Variants in MYH14 observed in about 807,000 individuals in gnomAD.
MYH14 encodes myosin-14.
A neutral mutation model predicts 255.5 loss-of-function variants in MYH14; 123 were observed. The ratio of observed to expected loss-of-function variants is 0.48; its 90% CI spans 0.42 to 0.56. The LOEUF is 0.56. Ranked by LOEUF, MYH14 falls within the 20% of genes least tolerant of loss-of-function variation. The pLI is 0.00. For missense variants in MYH14, 2,423 were observed against 2,802.3 expected (o/e 0.86, Z 3.06); for synonymous variants, 1,095 against 1,161.2 (o/e 0.94, Z 1.16).
chr19:50,301,474 G>A (rs1238935050), intron 39 of MYH14, among the ~76,000 whole-genome samples, 187 bp from the exon 40 acceptor site: 2 of 152,158 alleles, frequency 1.3e-5, no homozygotes, highest in African/African-American at 4.8e-5. Context: ...CAGTGCTGTG[G>A]GTGACAAGTC....
At chr19:50,262,286 G>A (rs1463866667) in intron 21 of MYH14, among the ~76,000 whole-genome samples, 3 of 152,128 alleles carry the variant, frequency 2.0e-5, no homozygotes, top group South Asian at 2.1e-4. Flanking sequence ...GGCCGGGCAC[G>A]GTGGCTCACA....
At chr19:50,271,321 G>C in intron 24 of MYH14, 88 bp from the exon 25 acceptor site, 3 of 1,416,084 alleles carry the variant, frequency 2.1e-6, no homozygotes, top group Non-Finnish European at 2.9e-6. Context: ...GCGGGGATCC[G>C]TGGGCCAGCC....
intron 10 of MYH14, among the ~76,000 whole-genome samples, chr19:50,233,018 G>C (rs968507560): frequency 2.6e-5 from 4 of 152,124 alleles, no homozygotes; most frequent in Admixed American, 2.6e-4. Context: ...GGAGTGGGTG[G>C]TGCTGAGACC....
In MYH14 at chr19:50,217,700, G is replaced by C. The variant is rs774773452; in HGVS notation, c.491G>C (p.Gly164Ala). The C allele has an allele frequency of 6.2e-6, 10 of 1,613,998 alleles. No individual in the cohort carries two copies. The Admixed American group carries it at 6.7e-5, about 11-fold the overall frequency. The change falls in exon 3 of 43, where the codon GGC becomes GCC. Residue 164 changes from glycine (G) to alanine (A), a missense_variant. Around this residue, in one of 3 missense-constraint regions of MYH14, gnomAD observed 238 missense variants for 245.8 expected, o/e 0.97. Coordinates refer to ENST00000642316, the MANE Select transcript of MYH14 (RefSeq NM_001145809.2). ...GAAGCCATTGTGGAGATGTACCGGG[G>C]CAAGAAGCGCCACGAGGTGCCACCC... ...YTEAIVEMYRGKKRHEVPPHV... is the reference protein window; with the variant it reads ...YTEAIVEMYRAKKRHEVPPHV...
intron 41 of MYH14, among the ~76,000 whole-genome samples, chr19:50,307,921 C>T (rs575468497): frequency 2.0e-5 from 3 of 152,310 alleles, no homozygotes; most frequent in East Asian, 3.9e-4. Flanking sequence ...GTGCCAGACA[C>T]TGTGGTAGGC....
At chr19:50,224,049 C>CCCCCCCCCCCTG in intron 5 of MYH14, 105 bp from the exon 6 acceptor site, 2 of 806,628 alleles carry the variant, frequency 2.5e-6, no homozygotes, top group Admixed American at 1.9e-5. Flanking sequence ...TCCCCCTTCC[C>CCCCCCCCCCCTG]CCACCCCCCA....
chr19:50,296,907 A>G (rs556622166), intron 39 of MYH14, among the ~76,000 whole-genome samples: 76 of 152,328 alleles, frequency 5.0e-4, no homozygotes, highest in Admixed American at 1.1e-3. Context: ...TTGCTGTGTT[A>G]GTTCCCTAGG....
intron 19 of MYH14, among the ~76,000 whole-genome samples, chr19:50,260,070 C>A (rs191271383): frequency 6.6e-6 from 1 of 152,228 alleles, no homozygotes; most frequent in African/African-American, 2.4e-5. Flanking sequence ...TACACTTTTA[C>A]AAGTGAAAAA....
intron 41 of MYH14, 34 bp downstream of exon 41, chr19:50,307,191 AGT>A: frequency 7.4e-7 from 1 of 1,345,046 alleles, no homozygotes; most frequent in Non-Finnish European, 1.0e-6. Flanking sequence ...AGCAGTGGAG[AGT>A]GTGACCACTG....
chr19:50,299,670 C>A lies in MYH14; in HGVS notation c.5470-1991C>A, dbSNP rs1000876105. 2.0e-5 allele frequency among the ~76,000 whole-genome samples: 3 copies of A among 150,688 alleles called. No individual in the cohort carries two copies. The Admixed American group carries it at 2.0e-4, about 10-fold the overall frequency. ...CTTAAAAGACATATATCTGGCCGGG[C>A]GTGATGGCTCACGCCTATAATCCTA... On this transcript the variant is annotated intron_variant, in intron 39 of 42. Coordinates refer to ENST00000642316, the MANE Select transcript of MYH14 (RefSeq NM_001145809.2).
chr19:50,292,772 G>A (rs1953812691), intron 37 of MYH14, among the ~76,000 whole-genome samples: 1 of 152,050 alleles, frequency 6.6e-6, no homozygotes, highest in South Asian at 2.1e-4. Flanking sequence ...CAAAGGCTGT[G>A]GGAGTGGGAG....
intron 33 of MYH14, among the ~76,000 whole-genome samples, chr19:50,283,607 T>TA (rs2035794808): frequency 6.6e-6 from 1 of 152,324 alleles, no homozygotes; most frequent in Non-Finnish European, 1.5e-5. Flanking sequence ...GATAAAACCT[T>TA]AGTCTTTCTC....
chr19:50,246,578 C>T (rs977646873), intron 11 of MYH14, among the ~76,000 whole-genome samples: 1 of 152,238 alleles, frequency 6.6e-6, no homozygotes, highest in East Asian at 1.9e-4. Context: ...GCTGAGATTG[C>T]ATCACTGCAC....
At chr19:50,277,077 C>T (rs2035538599) in intron 29 of MYH14, among the ~76,000 whole-genome samples, 176 bp downstream of exon 29, 1 of 152,188 alleles carries the variant, frequency 6.6e-6, no homozygotes, top group Non-Finnish European at 1.5e-5. Context: ...GGACTATGTT[C>T]CAGGAGCATT....
Position 50,310,128 on chromosome 19 carries a change from G to A in MYH14, c.*338G>A, listed in dbSNP as rs1333103900. 4 of 360,774 alleles carry A rather than the reference G, an allele frequency of 1.1e-5. No individual in the cohort carries two copies. The allele number at this position is 360,774 out of a possible 1,614,324, so 22.3% of individuals were successfully genotyped here. On this transcript the variant is annotated 3_prime_UTR_variant, in exon 43 of 43. Transcript: ENST00000642316. ...ATAGACATTAGGAAGGGAGTGAGAC[G>A]GCTCCTCCACCATCCTCAGCCAGTG...
intron 22 of MYH14, among the ~76,000 whole-genome samples, chr19:50,264,890 G>A (rs185730850): frequency 7.4e-4 from 113 of 152,318 alleles, no homozygotes; most frequent in African/African-American, 2.5e-3. Context: ...TCAGGGACTA[G>A]GTGTTCCCCC....
In MYH14 at chr19:50,230,681, C is replaced by T; in HGVS notation, c.973+58C>T. On this transcript the variant is annotated intron_variant, in intron 9 of 42. Transcript: ENST00000642316. This position sits in a 1 kb window ranked among gnomAD's most constrained non-coding sequence, Gnocchi z 4.7. ...GGGAGAGGGTGGGCACCATGTCTCTCGGGGGCCCCTTCTGGGGAGGAAGCA... is the reference window on the plus strand; with the variant it reads ...GGGAGAGGGTGGGCACCATGTCTCTTGGGGGCCCCTTCTGGGGAGGAAGCA... 1.4e-6 allele frequency: 2 copies of T among 1,471,544 alleles called. No individual in the cohort carries two copies. Among genetic ancestry groups the T allele is most frequent in the South Asian group, 1.2e-5 (1 of 82,532 alleles). 91.2% of individuals were successfully genotyped at this position (1,471,544 alleles called of 1,614,324 possible). A position where few individuals can be genotyped will look rare whatever the true frequency, so the allele number is the denominator to read the frequency against.
intron 10 of MYH14, among the ~76,000 whole-genome samples, chr19:50,233,816 G>GCC (rs2033526697): frequency 2.5e-4 from 4 of 15,778 alleles, no homozygotes; most frequent in South Asian, 1.5e-3. Context: ...CCCTCCCCCC[G>GCC]ACCCCCCCGC....
In MYH14 at chr19:50,301,858, G is replaced by T; in HGVS notation, c.5667G>T (p.Glu1889Asp). ...TGGCCCAGGCTGAGGAGCAGCTAGAGCAAGAGACCAGGTAGGTGAGAGCGG... is the reference window on the plus strand; with the variant it reads ...TGGCCCAGGCTGAGGAGCAGCTAGATCAAGAGACCAGGTAGGTGAGAGCGG... ...SKLAQAEEQLEQETRERILSG... is the reference protein window; with the variant it reads ...SKLAQAEEQLDQETRERILSG... Residue 1889 changes from glutamate (E) to aspartate (D), a missense_variant, in exon 40 of 43, where the codon GAG (glutamate) becomes GAT (aspartate). Around this residue, in one of 3 missense-constraint regions of MYH14, gnomAD observed 1,513 missense variants for 1,674.8 expected, o/e 0.90. Coordinates refer to ENST00000642316, the MANE Select transcript of MYH14 (RefSeq NM_001145809.2). The T allele has an allele frequency of 6.2e-7, 1 of 1,611,960 alleles. No homozygotes were observed. The highest frequency in any genetic ancestry group is 1.6e-4 in the Middle Eastern group (1 of 6,062).
Sources: allele counts gnomAD v4.1 joint callset (sites outside exome capture counted in the v4.1 genomes callset), GRCh38; gene constraint gnomAD v4.1.1; regional missense constraint gnomAD v4.1.1; non-coding constraint Gnocchi (gnomAD v3.1); transcripts MANE v1.5; gene names NCBI Gene and HGNC (gene_info 2026-07-23, HGNC 2026-07-21).